The following TRERF1 variants were observed in gnomAD, a reference collection of about 807,000 sequenced individuals.
TRERF1 encodes transcriptional regulating factor 1, also known as transcriptional-regulating factor 1.
In TRERF1, 27 loss-of-function variants were observed where a neutral mutation model predicts 122.9. The ratio of observed to expected loss-of-function variants is 0.22; its 90% CI spans 0.16 to 0.30. The LOEUF is 0.30. TRERF1 is among the 10% of genes least tolerant of loss of function. TRERF1 has a pLI of 1.00. For missense variants in TRERF1, 1,248 were observed against 1,560.3 expected (o/e 0.80, Z 3.37); for synonymous variants, 636 against 641.7 (o/e 0.99, Z 0.13).
intron 2 of TRERF1, among the ~76,000 whole-genome samples, chr6:42,367,053 G>A (rs1028678682): frequency 6.6e-6 from 1 of 152,204 alleles, no homozygotes; most frequent in African/African-American, 2.4e-5. Flanking sequence ...TCAGGCCTGC[G>A]ATCAAATCCT....
At chr6:42,391,191 C>T (rs543978504) in intron 2 of TRERF1, among the ~76,000 whole-genome samples, 19 of 152,318 alleles carry the variant, frequency 1.2e-4, no homozygotes, top group Non-Finnish European at 2.1e-4. Flanking sequence ...TCTTCTCAAA[C>T]GAACATGGAG....
chr6:42,267,433 G>A (rs1779410647), intron 5 of TRERF1, among the ~76,000 whole-genome samples: 2 of 152,116 alleles, frequency 1.3e-5, no homozygotes, highest in African/African-American at 4.8e-5. Context: ...TTTGAGACCA[G>A]CCTGACCAAC....
At chr6:42,334,093 G>A (rs943923968) in intron 3 of TRERF1, among the ~76,000 whole-genome samples, 2 of 151,800 alleles carry the variant, frequency 1.3e-5, no homozygotes, top group East Asian at 1.9e-4. Flanking sequence ...ATATATATAT[G>A]TGTGTGTGTG....
intron 3 of TRERF1, among the ~76,000 whole-genome samples, chr6:42,307,958 CA>C (rs1356005762): frequency 6.6e-6 from 1 of 152,218 alleles, no homozygotes; most frequent in African/African-American, 2.4e-5. Flanking sequence ...ACCAAAAACA[CA>C]AAATCACAAG....
intron 3 of TRERF1, among the ~76,000 whole-genome samples, chr6:42,338,823 A>G (rs1232373160): frequency 6.6e-6 from 1 of 152,118 alleles, no homozygotes; most frequent in Non-Finnish European, 1.5e-5. Context: ...CACTGCCCAC[A>G]CTCAGGAACT....
chr6:42,433,487 A>G (rs1030380016), intron 2 of TRERF1, among the ~76,000 whole-genome samples: 1 of 152,156 alleles, frequency 6.6e-6, no homozygotes, highest in African/African-American at 2.4e-5. Flanking sequence ...AGTGGCAAGC[A>G]GATGAAACTC....
chr6:42,293,952 T>C (rs1267697375), intron 4 of TRERF1, among the ~76,000 whole-genome samples: 1 of 152,080 alleles, frequency 6.6e-6, no homozygotes, highest in Non-Finnish European at 1.5e-5. Context: ...GCCTGGCCTG[T>C]CCCAGGACAC....
chr6:42,262,645 G>A lies in TRERF1; in HGVS notation c.1884+675C>T, dbSNP rs146976340. ...CCCAGAGGCAAATTAAGCTGTTTGA[G>A]TGAAGCACTTAAAATTGGAGAAAGG... On this transcript the variant is annotated intron_variant, in intron 8 of 17. Transcript: ENST00000372922. Among the ~76,000 whole-genome samples, 154 of 147,998 alleles carry A rather than the reference G, an allele frequency of 1.0e-3. 4 individuals are homozygous for A. The East Asian group carries it at 0.029, about 28-fold the overall frequency.
chr6:42,389,488 C>T (rs991671962), intron 2 of TRERF1, among the ~76,000 whole-genome samples: 1 of 152,204 alleles, frequency 6.6e-6, no homozygotes, highest in African/African-American at 2.4e-5. Flanking sequence ...CCCCATTGTC[C>T]ATCTCTCCAT....
At chr6:42,316,821 C>T (rs1389923992) in intron 3 of TRERF1, among the ~76,000 whole-genome samples, 1 of 152,106 alleles carries the variant, frequency 6.6e-6, no homozygotes, top group African/African-American at 2.4e-5. Context: ...CCAGCCATTC[C>T]CCTCCACCGC....
At chr6:42,412,669 A>C (rs1781284211) in intron 2 of TRERF1, among the ~76,000 whole-genome samples, 1 of 152,212 alleles carries the variant, frequency 6.6e-6, no homozygotes, top group Non-Finnish European at 1.5e-5. Context: ...TCATGCCTGT[A>C]ATCCCAGAAC....
At chr6:42,250,992 CTTTTTTT>C (rs70987586) in intron 13 of TRERF1, among the ~76,000 whole-genome samples, 2 of 97,604 alleles carry the variant, frequency 2.0e-5, no homozygotes, top group African/African-American at 4.2e-5. Flanking sequence ...TCTTTTGCTT[CTTTTTTT>C]TTTTTTTTTT....
intron 8 of TRERF1, among the ~76,000 whole-genome samples, chr6:42,261,531 G>A (rs1459041279): frequency 1.3e-5 from 2 of 151,908 alleles, no homozygotes; most frequent in Non-Finnish European, 2.9e-5. Flanking sequence ...TTAAAAAGCT[G>A]CCCACAGAGA....
chr6:42,396,363 C>G (rs1055839861), intron 2 of TRERF1, among the ~76,000 whole-genome samples: 1 of 151,848 alleles, frequency 6.6e-6, no homozygotes, highest in Non-Finnish European at 1.5e-5. Flanking sequence ...CAACTCAAAG[C>G]CCAGAATGCC....
chr6:42,291,392 C>T (rs986458262), intron 4 of TRERF1, among the ~76,000 whole-genome samples: 1 of 150,422 alleles, frequency 6.6e-6, no homozygotes. Flanking sequence ...CAAACTTCAA[C>T]GCTCTAGTGT....
intron 3 of TRERF1, among the ~76,000 whole-genome samples, chr6:42,349,821 C>A (rs1380428371): frequency 6.6e-6 from 1 of 152,112 alleles, no homozygotes; most frequent in Admixed American, 6.5e-5. Flanking sequence ...CCCAGAGGAA[C>A]AATACCAATA....
At chr6:42,360,714 C>G (rs56112209) in intron 3 of TRERF1, among the ~76,000 whole-genome samples, 1 of 134,330 alleles carries the variant, frequency 7.4e-6, no homozygotes, top group African/African-American at 2.8e-5. Flanking sequence ...AGGAGCCAGT[C>G]TGGTGCAGAA....
chr6:42,244,405 A>G (rs1431304198), intron 14 of TRERF1, among the ~76,000 whole-genome samples: 1 of 151,992 alleles, frequency 6.6e-6, no homozygotes, highest in African/African-American at 2.4e-5. Context: ...GCTGGTCTCG[A>G]ACTCCCGACC....
chr6:42,323,824 C>T (rs1368182412), intron 3 of TRERF1, among the ~76,000 whole-genome samples: 2 of 152,164 alleles, frequency 1.3e-5, no homozygotes, highest in African/African-American at 4.8e-5. Context: ...TTAGGGACAG[C>T]GAGCAGGTCT....
Sources: allele counts gnomAD v4.1 joint callset (sites outside exome capture counted in the v4.1 genomes callset), GRCh38; gene constraint gnomAD v4.1.1; transcripts MANE v1.5; gene names NCBI Gene and HGNC (gene_info 2026-07-23, HGNC 2026-07-21).